SPATA13: variants seen among roughly 807,000 people sequenced by gnomAD.
SPATA13 encodes the protein spermatogenesis-associated protein 13.
In SPATA13, 50 loss-of-function variants were observed where a neutral mutation model predicts 104.0. That is an observed-to-expected ratio of 0.48 (90% CI 0.38 to 0.61). The LOEUF (loss-of-function observed/expected upper bound fraction) is 0.61, where lower values mean the gene tolerates loss of function less well. Ranked by LOEUF, SPATA13 falls within the 20% of genes least tolerant of loss-of-function variation. The pLI, the probability that SPATA13 is intolerant of heterozygous loss-of-function variation, is 0.00. For missense variants in SPATA13, 1,524 were observed against 1,690.6 expected (o/e 0.90, Z 1.73); for synonymous variants, 606 against 667.5 (o/e 0.91, Z 1.42).
At chr13:24,071,140 T>C (rs749923480) in intron 3 of SPATA13, among the ~76,000 whole-genome samples, 20 of 152,166 alleles carry the variant, frequency 1.3e-4, no homozygotes, top group Non-Finnish European at 2.1e-4. Context: ...AACTAGTGCT[T>C]AAGCCCAGTC....
rs1174095152 is a variant in SPATA13, at chr13:24,161,843, GC to G, written c.-112+913del. On this transcript the variant is annotated intron_variant, in intron 1 of 12. Transcript: ENST00000382108. This position sits in a 1 kb window ranked among gnomAD's most constrained non-coding sequence, Gnocchi z 4.5. ...AGCCTTATATTATGCACCTCCCCCT[GC>G]CAGCATTTTCTCTGTCCCCACCTTC... 6.6e-6 allele frequency among the ~76,000 whole-genome samples: 1 copy of G among 152,102 alleles called. No homozygotes were observed. Among genetic ancestry groups the G allele is most frequent in the Non-Finnish European group, 1.5e-5 (1 of 68,024 alleles).
intron 2 of SPATA13, among the ~76,000 whole-genome samples, chr13:24,231,154 C>T (rs763425748): frequency 1.3e-5 from 2 of 152,074 alleles, no homozygotes; most frequent in Non-Finnish European, 2.9e-5. Context: ...TTTTATTAAG[C>T]GAACAATTCA....
intron 3 of SPATA13, among the ~76,000 whole-genome samples, chr13:24,063,674 C>T (rs1389112753): frequency 6.6e-6 from 1 of 152,206 alleles, no homozygotes; most frequent in African/African-American, 2.4e-5. Context: ...CCCACATCCT[C>T]TTCAGCTCAG....
chr13:24,064,536 G>A (rs1055457519), intron 3 of SPATA13, among the ~76,000 whole-genome samples: 4 of 152,130 alleles, frequency 2.6e-5, no homozygotes, highest in African/African-American at 9.7e-5. Flanking sequence ...AGCCCCCAGA[G>A]AACTCCCACG....
At chr13:24,005,806 G>A (rs1207446946) in intron 2 of SPATA13, among the ~76,000 whole-genome samples, 1 of 152,194 alleles carries the variant, frequency 6.6e-6, no homozygotes, top group East Asian at 1.9e-4. Flanking sequence ...TGCAGCATGG[G>A]CATTTTTGTC....
chr13:24,081,960 A>G (rs1251137725), intron 3 of SPATA13, among the ~76,000 whole-genome samples: 1 of 152,180 alleles, frequency 6.6e-6, no homozygotes, highest in Admixed American at 6.5e-5. Flanking sequence ...TTGATGAGCC[A>G]TAGGTCATAT....
At chr13:24,200,324 A>T (rs143484909) in intron 1 of SPATA13, among the ~76,000 whole-genome samples, 1 of 152,282 alleles carries the variant, frequency 6.6e-6, no homozygotes, top group Non-Finnish European at 1.5e-5. Flanking sequence ...TGTATGTTTC[A>T]TAGAGCAGTA....
intron 2 of SPATA13, among the ~76,000 whole-genome samples, chr13:24,227,812 C>T (rs973527137): frequency 6.6e-6 from 1 of 152,130 alleles, no homozygotes; most frequent in Admixed American, 6.5e-5. Flanking sequence ...TCAAGTGATT[C>T]GCCTACCTCA....
intron 2 of SPATA13, among the ~76,000 whole-genome samples, chr13:23,996,705 GAA>G (rs1875712589): frequency 2.0e-5 from 3 of 152,322 alleles, no homozygotes; most frequent in African/African-American, 7.2e-5. Context: ...CTATGCACAA[GAA>G]GCCTTGAGGC....
chr13:24,095,325 T>C (rs559303584), intron 3 of SPATA13, among the ~76,000 whole-genome samples: 2 of 152,306 alleles, frequency 1.3e-5, no homozygotes, highest in East Asian at 3.9e-4. Context: ...AAAGGACAAG[T>C]ACGGTATGAT....
At chr13:24,196,126 C>G (rs536838534) in intron 1 of SPATA13, among the ~76,000 whole-genome samples, 5 of 152,158 alleles carry the variant, frequency 3.3e-5, no homozygotes, top group African/African-American at 1.2e-4. Flanking sequence ...TTCAAAATAT[C>G]TTAAAGGGCC....
At chr13:24,030,281 T>C (rs1229743276) in intron 3 of SPATA13, among the ~76,000 whole-genome samples, 1 of 152,190 alleles carries the variant, frequency 6.6e-6, no homozygotes, top group Non-Finnish European at 1.5e-5. Context: ...TTCACCATTA[T>C]AGTATCAGAT....
chr13:24,183,844 C>G (rs554644240), intron 1 of SPATA13, among the ~76,000 whole-genome samples: 1 of 152,242 alleles, frequency 6.6e-6, no homozygotes, highest in East Asian at 1.9e-4. Flanking sequence ...GAGGCACTCA[C>G]TCTCATCCTG....
chr13:24,202,543 T>C (rs1466236989), intron 1 of SPATA13, among the ~76,000 whole-genome samples: 1 of 92,632 alleles, frequency 1.1e-5, no homozygotes, highest in Middle Eastern at 6.0e-3. Context: ...TTTTTTTTTT[T>C]AGCTTCACTT....
rs563733261 is a variant in SPATA13 at position 24,113,374 on chromosome 13, G to A, written c.-112+95673G>A. On this transcript the variant is annotated intron_variant, in intron 3 of 14. Coordinates refer to the SPATA13 transcript ENST00000424834. ...TCCCAGCACTTTGGGAGGCCAAGGCGGGTGGATCACTTGAGGTCAGGAGTT... is the reference window on the plus strand; with the variant it reads ...TCCCAGCACTTTGGGAGGCCAAGGCAGGTGGATCACTTGAGGTCAGGAGTT... Among the ~76,000 whole-genome samples, 574 of 151,642 alleles carry A rather than the reference G, an allele frequency of 3.8e-3. 4 individuals carry two copies. The highest frequency in any genetic ancestry group is 0.013 in the African/African-American group (519 of 41,266).
chr13:24,219,549 T>G (rs1208156055), intron 1 of SPATA13, among the ~76,000 whole-genome samples: 1 of 152,254 alleles, frequency 6.6e-6, no homozygotes, highest in Non-Finnish European at 1.5e-5. Context: ...CACATCGAAG[T>G]TAAATCTAAG....
At chr13:24,262,253 G>T (rs1327992661) in intron 4 of SPATA13, among the ~76,000 whole-genome samples, 1 of 151,278 alleles carries the variant, frequency 6.6e-6, no homozygotes, top group Non-Finnish European at 1.5e-5. Context: ...TTGTAGTAAA[G>T]AAATTTATTC....
rs1491427058 is a variant in SPATA13 at position 24,277,462 on chromosome 13, A to AAG, written c.2165-6673_2165-6672insAG. Among the ~76,000 whole-genome samples, 30 of 67,280 alleles carry AAG rather than the reference A, an allele frequency of 4.5e-4. 1 individual carries two copies. Among genetic ancestry groups the AAG allele is most frequent in the African/African-American group, 1.1e-3 (28 of 26,184 alleles). The allele number at this position is 67,280 out of a possible 152,430, so 44.1% of individuals were successfully genotyped here. ...CCGTCTCAAAAAAAAAAAAAAAAAA[A>AAG]GAAGAAGTTCACCTTGGAAGTAATA... On this transcript the variant is annotated intron_variant, in intron 4 of 12. Coordinates refer to ENST00000382108, the MANE Select transcript of SPATA13 (RefSeq NM_001166271.3).
chr13:24,257,402 G>C (rs1873843818), intron 4 of SPATA13, among the ~76,000 whole-genome samples: 1 of 152,174 alleles, frequency 6.6e-6, no homozygotes, highest in Non-Finnish European at 1.5e-5. Flanking sequence ...AAGCCCTTTA[G>C]TTAACCAGTA....
Sources: allele counts gnomAD v4.1 joint callset (sites outside exome capture counted in the v4.1 genomes callset), GRCh38; gene constraint gnomAD v4.1.1; non-coding constraint Gnocchi (gnomAD v3.1); transcripts MANE v1.5; gene names NCBI Gene and HGNC (gene_info 2026-07-23, HGNC 2026-07-21).